The following GULP1 variants were observed in gnomAD, a reference collection of about 807,000 sequenced individuals.
GULP1 encodes the protein PTB domain-containing engulfment adapter protein 1.
A neutral mutation model predicts 40.9 loss-of-function variants in GULP1; 19 were observed. That is an observed-to-expected ratio of 0.46 (90% CI 0.32 to 0.68). The LOEUF is 0.68. Among genes scored for constraint, GULP1 ranks in the 30% least tolerant of loss-of-function variants. GULP1 has a pLI of 0.03. For missense variants in GULP1, 312 were observed against 362.2 expected (o/e 0.86, Z 1.12); for synonymous variants, 119 against 117.6 (o/e 1.01, Z -0.08).
intron 1 of GULP1, among the ~76,000 whole-genome samples, chr2:188,381,466 A>G (rs756665254): frequency 1.3e-5 from 2 of 152,192 alleles, no homozygotes; most frequent in Non-Finnish European, 2.9e-5. Flanking sequence ...AATTAGATCA[A>G]TTGAAGAGTT....
At chr2:188,524,592 TTA>T (rs1162848295) in intron 5 of GULP1, among the ~76,000 whole-genome samples, 11 of 145,134 alleles carry the variant, frequency 7.6e-5, no homozygotes, top group Non-Finnish European at 1.5e-4. Context: ...TTATCTATTT[TTA>T]TATATATATA....
intron 7 of GULP1, chr2:188,541,829 G>A (rs984160277): frequency 1.8e-5 from 3 of 162,844 alleles, no homozygotes; most frequent in African/African-American, 7.2e-5. Flanking sequence ...AAAATCTTAG[G>A]CCAGGCGCGG....
intron 7 of GULP1, among the ~76,000 whole-genome samples, chr2:188,550,743 TC>T (rs1295556456): frequency 6.6e-6 from 1 of 151,640 alleles, no homozygotes; most frequent in Non-Finnish European, 1.5e-5. Context: ...TAGCCATATT[TC>T]ACGTTTGCTT....
At chr2:188,384,727 G>A (rs2049443897) in intron 2 of GULP1, among the ~76,000 whole-genome samples, 2 of 152,174 alleles carry the variant, frequency 1.3e-5, no homozygotes, top group African/African-American at 4.8e-5. Context: ...CAGGAATTGG[G>A]TAGATACAGC....
chr2:188,366,349 TG>T (rs1048701913), intron 1 of GULP1, among the ~76,000 whole-genome samples: 1 of 152,080 alleles, frequency 6.6e-6, no homozygotes, highest in African/African-American at 2.4e-5. Flanking sequence ...CTAGACAGAT[TG>T]ATGTTTATGA....
At chr2:188,486,747 T>A (rs111286869) in intron 4 of GULP1, among the ~76,000 whole-genome samples, 48 of 152,052 alleles carry the variant, frequency 3.2e-4, no homozygotes, top group African/African-American at 1.1e-3. Context: ...TCATTAGTTT[T>A]GGAGTTTTCT....
chr2:188,588,362 GAAAA>G (rs1702840154), intron 11 of GULP1: 1 of 178,342 alleles, frequency 5.6e-6, no homozygotes, highest in South Asian at 1.1e-4. Context: ...TATTCTCTCT[GAAAA>G]GAAGCATTGT....
chr2:188,344,828 G>A (rs1426684323), intron 1 of GULP1, among the ~76,000 whole-genome samples: 2 of 151,954 alleles, frequency 1.3e-5, no homozygotes, highest in Admixed American at 6.6e-5. Context: ...ACATACCTAT[G>A]TACACACAGA....
chr2:188,501,217 A>G (rs1210684112), intron 4 of GULP1, among the ~76,000 whole-genome samples: 3 of 151,898 alleles, frequency 2.0e-5, no homozygotes, highest in Non-Finnish European at 4.4e-5. Context: ...TGATTGGATC[A>G]TGGGGGCAGT....
intron 1 of GULP1, among the ~76,000 whole-genome samples, chr2:188,328,195 G>A (rs2041031206): frequency 6.6e-6 from 1 of 152,094 alleles, no homozygotes; most frequent in African/African-American, 2.4e-5. Flanking sequence ...AGATGGCTAT[G>A]AGGTTATATT....
chr2:188,580,353 A>G (rs111729526), intron 9 of GULP1, among the ~76,000 whole-genome samples: 2,036 of 152,154 alleles, frequency 0.013, 41 homozygotes, highest in African/African-American at 0.046. Context: ...GGAGATCGAG[A>G]CCATCCCGGC....
chr2:188,561,799 G>A lies in GULP1; in HGVS notation c.400-7440G>A, dbSNP rs571747624. The stretch of plus-strand genomic sequence containing the variant: ...GTGGGGAATGCACATCATTCTCATG[G>A]CCCAGTCCTGTTGCACTTGCCTTCA... On this transcript the variant is annotated intron_variant, in intron 7 of 11. Transcript: ENST00000409830. Among the ~76,000 whole-genome samples the A allele has an allele frequency of 2.0e-5, 3 of 152,212 alleles. No individual in the cohort carries two copies. The South Asian group carries it at 6.2e-4, about 32-fold the overall frequency.
chr2:188,464,260 C>T (rs1342244649), intron 2 of GULP1, among the ~76,000 whole-genome samples: 2 of 152,170 alleles, frequency 1.3e-5, no homozygotes, highest in Non-Finnish European at 2.9e-5. Flanking sequence ...CTTATAGACT[C>T]ATAGAGGTAC....
intron 4 of GULP1, among the ~76,000 whole-genome samples, chr2:188,515,728 C>G (rs1043355777): frequency 2.6e-5 from 4 of 151,954 alleles, no homozygotes; most frequent in African/African-American, 9.7e-5. Context: ...CACACACACA[C>G]ACACACTCAT....
At chr2:188,473,151 C>T (rs534266643) in intron 2 of GULP1, among the ~76,000 whole-genome samples, 1 of 146,472 alleles carries the variant, frequency 6.8e-6, no homozygotes. Context: ...AATGGGGTCT[C>T]TCTTTCTCTC....
intron 2 of GULP1, among the ~76,000 whole-genome samples, chr2:188,413,194 G>A (rs1200329969): frequency 2.6e-5 from 4 of 152,116 alleles, no homozygotes; most frequent in Non-Finnish European, 5.9e-5. Flanking sequence ...CTAAGATGTG[G>A]CTTCTTCACA....
intron 1 of GULP1, among the ~76,000 whole-genome samples, chr2:188,348,994 T>A (rs13014693): frequency 0.49 from 74,443 of 152,116 alleles, 18,704 homozygotes; most frequent in East Asian, 0.72. Context: ...AATATTAAAA[T>A]CTATTTCAAA....
At chr2:188,322,299 A>G (rs796236528) in intron 1 of GULP1, among the ~76,000 whole-genome samples, 28 of 151,984 alleles carry the variant, frequency 1.8e-4, no homozygotes, top group African/African-American at 6.3e-4. Context: ...TATATTTTAG[A>G]GCTTTTTTTT....
Position 188,337,086 on chromosome 2 carries a change from G to GTATCTATATCTA in GULP1, c.-172+44964_-172+44975dup, listed in dbSNP as rs71020747. Among the ~76,000 whole-genome samples the GTATCTATATCTA allele has an allele frequency of 6.0e-3, 874 of 145,558 alleles. 1 individual carries two copies. The highest frequency in any genetic ancestry group is 0.035 in the Middle Eastern group (10 of 286). On this transcript the variant is annotated intron_variant, in intron 1 of 11. Coordinates refer to ENST00000409830, the MANE Select transcript of GULP1 (RefSeq NM_016315.4). ...ACTTGCTTCTCCTATAAATATATCTGTATCTATATCTATATCTATATCTAT... is the reference window on the plus strand; with the variant it reads ...ACTTGCTTCTCCTATAAATATATCTGTATCTATATCTATATCTATATCTATATCTATATCTAT...
Sources: allele counts gnomAD v4.1 joint callset (sites outside exome capture counted in the v4.1 genomes callset), GRCh38; gene constraint gnomAD v4.1.1; transcripts MANE v1.5; gene names NCBI Gene and HGNC (gene_info 2026-07-23, HGNC 2026-07-21).